Variants in C2CD5 observed in about 807,000 individuals in gnomAD.
The protein encoded by C2CD5 is C2 domain-containing protein 5.
C2CD5 carries 109 observed loss-of-function variants against 130.3 expected under a neutral mutation model. That is an observed-to-expected ratio of 0.84 (90% CI 0.72 to 0.98). C2CD5 has a LOEUF of 0.98. C2CD5 is among the 50% of genes least tolerant of loss of function. The pLI, the probability that C2CD5 is intolerant of heterozygous loss-of-function variation, is 0.00. For missense variants in C2CD5, 996 were observed against 1,261.8 expected, an observed-to-expected ratio of 0.79 and a Z score of 3.19; for synonymous variants, 454 against 429.2, an observed-to-expected ratio of 1.06 and a Z score of -0.71.
Position 22,482,762 on chromosome 12 carries a change from C to A in C2CD5, c.1551-19G>T. 1 of 1,592,412 alleles carries A rather than the reference C, an allele frequency of 6.3e-7. No individual in the cohort carries two copies. The highest frequency in any genetic ancestry group is 1.1e-5 in the South Asian group (1 of 90,298). ...ACATAACCTGTAAAGGAAAATAAGT[C>A]AGTGAACAGTATTCTTGGTACCACC... On this transcript the variant is annotated intron_variant, in intron 13 of 26. Coordinates refer to ENST00000446597, the MANE Select transcript of C2CD5 (RefSeq NM_001286176.2).
At chr12:22,524,918 T>C (rs923883933) in intron 5 of C2CD5, among the ~76,000 whole-genome samples, 19 of 151,804 alleles carry the variant, frequency 1.3e-4, no homozygotes, top group African/African-American at 4.6e-4. Context: ...CAGAATTCAA[T>C]ACAAAGTTTA....
chr12:22,486,405 A>G (rs1945525491), intron 12 of C2CD5, among the ~76,000 whole-genome samples: 1 of 152,178 alleles, frequency 6.6e-6, no homozygotes, highest in Admixed American at 6.6e-5. Flanking sequence ...GTGCCAGAGC[A>G]TTAGCAGAAC....
chr12:22,527,603 C>A, intron 4 of C2CD5, 118 bp downstream of exon 4: 5 of 579,504 alleles, frequency 8.6e-6, no homozygotes, highest in Non-Finnish European at 1.4e-5. Context: ...CAGGCATGAG[C>A]CACCGCACCT....
chr12:22,544,266 G>A (rs1317463495), intron 1 of C2CD5, 54 bp downstream of exon 1: 1 of 862,234 alleles, frequency 1.2e-6, no homozygotes, highest in Non-Finnish European at 1.7e-6. Flanking sequence ...CAGCGAAGGA[G>A]CGCGCGGGGG....
At chr12:22,519,300 G>C in intron 7 of C2CD5, 4 of 1,395,160 alleles carry the variant, frequency 2.9e-6, no homozygotes, top group Non-Finnish European at 9.6e-7. Flanking sequence ...AGATTGCAGA[G>C]TTATGTTAAA....
intron 2 of C2CD5, 115 bp downstream of exon 2, chr12:22,543,946 G>A: frequency 3.9e-6 from 3 of 762,502 alleles, no homozygotes; most frequent in Admixed American, 2.2e-5. Context: ...GACAACCACG[G>A]CCGAAGGGAG....
At chr12:22,503,934 G>C (rs1481747074) in intron 10 of C2CD5, among the ~76,000 whole-genome samples, 1 of 152,134 alleles carries the variant, frequency 6.6e-6, no homozygotes, top group Non-Finnish European at 1.5e-5. Flanking sequence ...ATATGTATAT[G>C]TCCATGACCT....
At chr12:22,516,274 T>C (rs1180084713) in intron 8 of C2CD5, among the ~76,000 whole-genome samples, 2 of 151,854 alleles carry the variant, frequency 1.3e-5, no homozygotes, top group Non-Finnish European at 1.5e-5. Flanking sequence ...CCATGAGAAA[T>C]AGGAGTGCTC....
At chr12:22,484,121 G>A (rs963356757) in intron 13 of C2CD5, among the ~76,000 whole-genome samples, 22 of 152,204 alleles carry the variant, frequency 1.4e-4, no homozygotes, top group African/African-American at 2.6e-4. Flanking sequence ...AAACATAGAA[G>A]GTGTAGCATC....
rs561456257 is a variant in C2CD5, at chr12:22,509,104, T to C, written c.1039-2285A>G. Reference sequence around the variant, plus strand: ...CTTGTTAGCCAGGATGGTCTCGATCTCCTGACCTCATGATCCACCCGCCTC... The same window carrying C: ...CTTGTTAGCCAGGATGGTCTCGATCCCCTGACCTCATGATCCACCCGCCTC... On this transcript the variant is annotated intron_variant, in intron 9 of 26. Transcript: ENST00000446597. 7.3e-5 allele frequency among the ~76,000 whole-genome samples: 11 copies of C among 151,690 alleles called. No individual in the cohort carries two copies. In the South Asian group the frequency reaches 2.3e-3, roughly 32 times the overall value.
chr12:22,543,902 G>A (rs1466347690), intron 2 of C2CD5, among the ~76,000 whole-genome samples, 159 bp downstream of exon 2: 1 of 152,158 alleles, frequency 6.6e-6, no homozygotes, highest in East Asian at 1.9e-4. Context: ...CGCACACACT[G>A]AGGTCTCGGC....
At chr12:22,488,940 T>C (rs1348148581) in intron 12 of C2CD5, among the ~76,000 whole-genome samples, 1 of 151,784 alleles carries the variant, frequency 6.6e-6, no homozygotes, top group Non-Finnish European at 1.5e-5. Context: ...GGTGCCATCT[T>C]GGCTCACTGC....
chr12:22,480,613 C>T (rs953707345), intron 14 of C2CD5, among the ~76,000 whole-genome samples: 7 of 152,102 alleles, frequency 4.6e-5, no homozygotes, highest in African/African-American at 1.7e-4. Context: ...TTATAGCTAG[C>T]AAAATGTTTT....
chr12:22,540,158 T>G (rs1344958776), intron 2 of C2CD5, among the ~76,000 whole-genome samples: 2 of 152,134 alleles, frequency 1.3e-5, no homozygotes, highest in African/African-American at 4.8e-5. Context: ...TTTTGAAAAA[T>G]CAGATAACCA....
intron 15 of C2CD5, among the ~76,000 whole-genome samples, chr12:22,476,522 A>G (rs751044611): frequency 6.6e-6 from 1 of 152,126 alleles, no homozygotes; most frequent in Non-Finnish European, 1.5e-5. Context: ...CTCCTTCCAA[A>G]TGTAAACTGT....
At chr12:22,478,576 T>C (rs1944220572) in intron 14 of C2CD5, 99 bp from the exon 15 acceptor site, 1 of 1,006,634 alleles carries the variant, frequency 9.9e-7, no homozygotes, top group East Asian at 2.7e-5. Flanking sequence ...CTGGGTGCAG[T>C]GGCTCACACC....
intron 25 of C2CD5, among the ~76,000 whole-genome samples, chr12:22,456,645 T>G (rs1462437903): frequency 6.6e-6 from 1 of 152,214 alleles, no homozygotes; most frequent in Non-Finnish European, 1.5e-5. Context: ...TTTCTAAATG[T>G]GATCTGTCAA....
intron 15 of C2CD5, among the ~76,000 whole-genome samples, chr12:22,475,643 T>C (rs888388675): frequency 2.6e-5 from 4 of 152,122 alleles, no homozygotes; most frequent in African/African-American, 9.7e-5. Flanking sequence ...AACAAGGAAA[T>C]TGTACATAAA....
intron 20 of C2CD5, among the ~76,000 whole-genome samples, chr12:22,471,155 A>T (rs1258166360): frequency 6.6e-6 from 1 of 152,078 alleles, no homozygotes; most frequent in African/African-American, 2.4e-5. Flanking sequence ...AACTGGTGAA[A>T]TCCCACATGA....
Sources: allele counts gnomAD v4.1 joint callset (sites outside exome capture counted in the v4.1 genomes callset), GRCh38; gene constraint gnomAD v4.1.1; transcripts MANE v1.5; gene names NCBI Gene and HGNC (gene_info 2026-07-23, HGNC 2026-07-21).